Variants in SLC26A7 observed in about 807,000 individuals in gnomAD.
SLC26A7 encodes the protein anion exchange transporter.
A neutral mutation model predicts 82.5 loss-of-function variants in SLC26A7; 59 were observed. The ratio of observed to expected loss-of-function variants is 0.72; its 90% CI spans 0.58 to 0.89. The LOEUF is 0.89. Among genes scored for constraint, SLC26A7 ranks in the 40% least tolerant of loss-of-function variants. The pLI is 0.00. For synonymous variants in SLC26A7, 271 were observed against 274.3 expected, an observed-to-expected ratio of 0.99 and a Z score of 0.12; for missense variants, 820 against 793.0, an observed-to-expected ratio of 1.03 and a Z score of -0.41.
intron 4 of SLC26A7, among the ~76,000 whole-genome samples, chr8:91,313,354 C>A (rs1476318264): frequency 2.0e-5 from 3 of 152,090 alleles, no homozygotes; most frequent in African/African-American, 7.2e-5. Context: ...CTTTTTATGC[C>A]AGTACCACAC....
chr8:91,236,031 C>A (rs1810388329), intron 2 of SLC26A7, among the ~76,000 whole-genome samples: 1 of 152,144 alleles, frequency 6.6e-6, no homozygotes, highest in Admixed American at 6.5e-5. Context: ...AATCTCTCAT[C>A]TCTTCGAAAA....
At chr8:91,390,278 G>A (rs1481462722) in intron 16 of SLC26A7, among the ~76,000 whole-genome samples, 2 of 151,670 alleles carry the variant, frequency 1.3e-5, no homozygotes, top group Non-Finnish European at 2.9e-5. Context: ...CACCACGCCC[G>A]GCTATTTTTT....
chr8:91,342,824 T>C (rs1389165851), intron 8 of SLC26A7, among the ~76,000 whole-genome samples: 1 of 152,088 alleles, frequency 6.6e-6, no homozygotes, highest in East Asian at 1.9e-4. Context: ...AGAGAAGCAG[T>C]CCTCCAATAT....
intron 5 of SLC26A7, among the ~76,000 whole-genome samples, chr8:91,326,323 C>A (rs1371819713): frequency 6.6e-6 from 1 of 152,128 alleles, no homozygotes; most frequent in Non-Finnish European, 1.5e-5. Flanking sequence ...AATTTAATTT[C>A]TCCCAGTTCT....
At position 91,315,758 on chromosome 8, in the gene SLC26A7, C is replaced by G. The variant is rs546810917; in HGVS notation, c.478-2458C>G. Reference sequence around the variant, plus strand: ...CAGAGTTAGAAAATGTAGTGTGGCCCTTCCTACATTTTCGAAACTGGTGAC... The same window carrying G: ...CAGAGTTAGAAAATGTAGTGTGGCCGTTCCTACATTTTCGAAACTGGTGAC... On this transcript the variant is annotated intron_variant, in intron 4 of 18. Coordinates refer to ENST00000276609, the MANE Select transcript of SLC26A7 (RefSeq NM_052832.4). Among the ~76,000 whole-genome samples, 6 of 152,234 alleles carry G rather than the reference C, an allele frequency of 3.9e-5. No homozygotes were observed. In the South Asian group the frequency reaches 8.3e-4, roughly 21 times the overall value.
intron 5 of SLC26A7, among the ~76,000 whole-genome samples, chr8:91,333,485 G>GC (rs1813152275): frequency 6.6e-6 from 1 of 152,082 alleles, no homozygotes; most frequent in South Asian, 2.1e-4. Context: ...TTACAAATAT[G>GC]CCCTTTAGGC....
chr8:91,265,115 C>G (rs1226801313), intron 2 of SLC26A7, among the ~76,000 whole-genome samples: 1 of 152,044 alleles, frequency 6.6e-6, no homozygotes, highest in Non-Finnish European at 1.5e-5. Context: ...TTTTTAGATT[C>G]TGCATGTAAG....
intron 2 of SLC26A7, among the ~76,000 whole-genome samples, chr8:91,222,354 T>G (rs1439869536): frequency 6.6e-6 from 1 of 152,144 alleles, no homozygotes; most frequent in African/African-American, 2.4e-5. Flanking sequence ...TTGAATACCC[T>G]TTATTTTTTT....
At chr8:91,385,579 T>G (rs1814778657) in intron 15 of SLC26A7, among the ~76,000 whole-genome samples, 1 of 152,238 alleles carries the variant, frequency 6.6e-6, no homozygotes, top group South Asian at 2.1e-4. Flanking sequence ...TGTTTTGCTT[T>G]ACTTTATTTT....
At chr8:91,234,201 A>G (rs191893543) in intron 2 of SLC26A7, among the ~76,000 whole-genome samples, 2 of 152,040 alleles carry the variant, frequency 1.3e-5, no homozygotes, top group East Asian at 1.9e-4. Flanking sequence ...TGTGTGTTAA[A>G]TGTTGGTTAG....
intron 2 of SLC26A7, among the ~76,000 whole-genome samples, chr8:91,275,367 C>T (rs879503667): frequency 2.0e-5 from 3 of 152,152 alleles, no homozygotes; most frequent in Non-Finnish European, 4.4e-5. Flanking sequence ...GGCATGTTCA[C>T]AGTTCACTGC....
chr8:91,218,864 T>A, intron 1 of SLC26A7: 2 of 1,435,924 alleles, frequency 1.4e-6, no homozygotes, highest in Middle Eastern at 1.9e-4. Context: ...ACTGCCTAAA[T>A]TTTATTTTTA....
intron 4 of SLC26A7, among the ~76,000 whole-genome samples, chr8:91,312,873 C>A (rs1442395226): frequency 6.6e-6 from 1 of 152,020 alleles, no homozygotes; most frequent in East Asian, 1.9e-4. Flanking sequence ...TAGGAGTTCT[C>A]TATATATTCT....
intron 5 of SLC26A7, among the ~76,000 whole-genome samples, chr8:91,321,738 T>A (rs982265073): frequency 4.6e-5 from 7 of 152,218 alleles, no homozygotes; most frequent in Non-Finnish European, 8.8e-5. Context: ...TATCTTTCTT[T>A]TAGTATTATG....
At chr8:91,345,590 C>T (rs117484253) in intron 9 of SLC26A7, among the ~76,000 whole-genome samples, 1,894 of 152,148 alleles carry the variant, frequency 0.012, 22 homozygotes, top group Middle Eastern at 0.044. Context: ...ATGTTTAGAA[C>T]CTTATTTTAA....
At chr8:91,316,903 C>T (rs902452882) in intron 4 of SLC26A7, among the ~76,000 whole-genome samples, 1 of 140,566 alleles carries the variant, frequency 7.1e-6, no homozygotes, top group African/African-American at 2.7e-5. Context: ...TCTGTAATCT[C>T]AGCACTTTGG....
chr8:91,387,103 T>G (rs915596799), intron 15 of SLC26A7, among the ~76,000 whole-genome samples: 1 of 152,126 alleles, frequency 6.6e-6, no homozygotes, highest in Non-Finnish European at 1.5e-5. Context: ...CTGTGAAAAT[T>G]TAATAGAACA....
intron 4 of SLC26A7, among the ~76,000 whole-genome samples, chr8:91,306,811 G>A (rs1449457510): frequency 6.6e-6 from 1 of 151,772 alleles, no homozygotes; most frequent in African/African-American, 2.4e-5. Context: ...CAGGGCTCAA[G>A]TTATCCTTTC....
At chr8:91,280,676 C>T (rs1811546893) in intron 2 of SLC26A7, among the ~76,000 whole-genome samples, 1 of 152,178 alleles carries the variant, frequency 6.6e-6, no homozygotes, top group Non-Finnish European at 1.5e-5. Flanking sequence ...CTCTTTTCCC[C>T]TACTTTTTTT....
Sources: gnomAD v4.1 joint callset for allele counts (sites outside exome capture counted in the v4.1 genomes callset) on GRCh38, gnomAD v4.1.1 for gene constraint, MANE v1.5 for transcripts, NCBI Gene and HGNC (gene_info 2026-07-23, HGNC 2026-07-21) for gene names.